POU2AF1: variants seen among roughly 807,000 people sequenced by gnomAD.
POU2AF1 encodes the protein POU class 2 homeobox associating factor 1, also known as POU domain class 2-associating factor 1.
Under a neutral mutation model 26.3 loss-of-function variants are expected in POU2AF1, and 12 were observed. The observed-to-expected ratio is 0.46, with a 90% CI of 0.29 to 0.74. The LOEUF is 0.74. POU2AF1 is among the 30% of genes least tolerant of loss of function. POU2AF1 has a pLI of 0.09. For missense variants in POU2AF1, 297 were observed against 334.5 expected, an observed-to-expected ratio of 0.89 and a Z score of 0.87; for synonymous variants, 175 against 148.0, an observed-to-expected ratio of 1.18 and a Z score of -1.32.
chr11:111,374,116 ATT>A (rs60260380), intron 1 of POU2AF1, among the ~76,000 whole-genome samples: 20 of 109,642 alleles, frequency 1.8e-4, no homozygotes, highest in African/African-American at 4.9e-4. Flanking sequence ...GGCAAACTTG[ATT>A]TTTTTTTTTT....
intron 1 of POU2AF1, chr11:111,359,308 T>C (rs138128928): frequency 2.6e-4 from 64 of 246,816 alleles, no homozygotes; most frequent in African/African-American, 1.4e-3. Flanking sequence ...GTGGTCAGAA[T>C]TCCCTCTCAC....
intron 2 of POU2AF1, 125 bp from the exon 3 acceptor site, chr11:111,357,962 A>G: frequency 9.4e-7 from 1 of 1,059,284 alleles, no homozygotes; most frequent in Non-Finnish European, 1.3e-6. Flanking sequence ...GGTTAGAACA[A>G]AACATCCCAC....
chr11:111,376,238 C>T (rs918348046), intron 1 of POU2AF1, among the ~76,000 whole-genome samples: 1 of 152,164 alleles, frequency 6.6e-6, no homozygotes, highest in African/African-American at 2.4e-5. Context: ...TCCCCACTTC[C>T]CAGATAAGGA....
intron 2 of POU2AF1, 53 bp from the exon 3 acceptor site, chr11:111,357,890 C>T: frequency 6.5e-7 from 1 of 1,527,472 alleles, no homozygotes; most frequent in Non-Finnish European, 8.8e-7. Flanking sequence ...GTCAACCGGC[C>T]CTGTGCAGAG....
intron 4 of POU2AF1, among the ~76,000 whole-genome samples, chr11:111,355,538 T>G (rs551912437): frequency 6.6e-6 from 1 of 152,330 alleles, no homozygotes; most frequent in East Asian, 1.9e-4. Context: ...ACTGTCACTG[T>G]GTCTTGACAG....
Position 111,356,445 on chromosome 11 carries a change from T to C in POU2AF1, c.456+1000A>G, listed in dbSNP as rs4387383. Among the ~76,000 whole-genome samples, 79,428 of 151,928 alleles carry C rather than the reference T, an allele frequency of 0.52. 22,284 individuals carry two copies. Among genetic ancestry groups the C allele is most frequent in the Non-Finnish European group, 0.63 (42,960 of 67,962 alleles). ...GATGACACTGGACCCTGGAGGGAAA[T>C]GGAAGAGACAAGGTGGACCAAAGCA... On this transcript the variant is annotated intron_variant, in intron 4 of 4. Transcript: ENST00000393067.
chr11:111,367,950 G>T (rs117687266), intron 1 of POU2AF1, among the ~76,000 whole-genome samples: 1 of 152,156 alleles, frequency 6.6e-6, no homozygotes. Flanking sequence ...GAAAGGGTTC[G>T]CAGATACACT....
intron 1 of POU2AF1, chr11:111,360,094 C>A: frequency 1.9e-6 from 1 of 515,098 alleles, no homozygotes; most frequent in South Asian, 1.4e-5. Context: ...GTGCATAGGG[C>A]CCTTCCTGGC....
chr11:111,365,857 CAAA>C (rs35060957), intron 1 of POU2AF1, among the ~76,000 whole-genome samples: 13,885 of 137,024 alleles, frequency 0.1, 841 homozygotes, highest in African/African-American at 0.18. Flanking sequence ...AACTCCATCT[CAAA>C]AAAAAAAAAA....
Position 111,363,892 on chromosome 11 carries a change from C to T in POU2AF1, c.17-4974G>A, listed in dbSNP as rs192949199. 31 of 985,304 alleles carry T rather than the reference C, an allele frequency of 3.1e-5. No individual in the cohort carries two copies. The East Asian group carries it at 1.7e-3, about 54-fold the overall frequency. 61.0% of individuals were successfully genotyped at this position (985,304 alleles called of 1,614,324 possible). A position where few individuals can be genotyped will look rare whatever the true frequency, so the allele number is the denominator to read the frequency against. On this transcript the variant is annotated intron_variant, in intron 1 of 4. Transcript: ENST00000393067. ...CCCGTAGGTATCCAAGAGTCCATCA[C>T]GGAGGAAAATCTTTCCACCTTAGCA...
At chr11:111,372,412 T>C (rs754971379) in intron 1 of POU2AF1, among the ~76,000 whole-genome samples, 2 of 17,332 alleles carry the variant, frequency 1.2e-4, no homozygotes, top group African/African-American at 2.8e-4. Context: ...TCTGCAGGGC[T>C]TTTTTTTGCC....
chr11:111,363,240 G>T, intron 1 of POU2AF1: 2 of 1,019,952 alleles, frequency 2.0e-6, no homozygotes, highest in Non-Finnish European at 2.4e-6. Context: ...TGCCCGGCAC[G>T]TGTCCACAGC....
Position 111,353,073 on chromosome 11 carries a change from T to C in POU2AF1, c.*1188A>G. The stretch of plus-strand genomic sequence containing the variant: ...AGGAAGGAAAGAAACAAAACCCACA[T>C]GGTAGCACTAAGCCTAGGCGAGGAC... On this transcript the variant is annotated 3_prime_UTR_variant, in exon 5 of 5. Transcript: ENST00000393067. The C allele has an allele frequency of 4.7e-6, 1 of 211,418 alleles. No homozygotes were observed. The highest frequency in any genetic ancestry group is 9.5e-6 in the Non-Finnish European group (1 of 105,762). The allele number at this position is 211,418 out of a possible 1,614,324, so 13.1% of individuals were successfully genotyped here.
intron 2 of POU2AF1, among the ~76,000 whole-genome samples, chr11:111,358,264 C>A (rs1043743538): frequency 2.6e-5 from 4 of 151,152 alleles, no homozygotes; most frequent in African/African-American, 9.8e-5. Context: ...ACCTCCCAAG[C>A]CATCTGCCTG....
chr11:111,373,596 C>A (rs1394008129), intron 1 of POU2AF1, among the ~76,000 whole-genome samples: 1 of 152,184 alleles, frequency 6.6e-6, no homozygotes, highest in East Asian at 1.9e-4. Context: ...GGCAAAGAAC[C>A]TCAATCAAGT....
Position 111,352,450 on chromosome 11 carries a change from G to GTT in POU2AF1, c.*1810_*1811insAA, listed in dbSNP as rs1279736977. 5.4e-6 allele frequency: 1 copy of GTT among 185,852 alleles called. No individual in the cohort carries two copies. The highest frequency in any genetic ancestry group is 1.1e-5 in the Non-Finnish European group (1 of 87,888). The allele number at this position is 185,852 out of a possible 1,614,324, so 11.5% of individuals were successfully genotyped here. A position where few individuals can be genotyped will look rare whatever the true frequency, so the allele number is the denominator to read the frequency against. On this transcript the variant is annotated 3_prime_UTR_variant, in exon 5 of 5. Coordinates refer to ENST00000393067, the MANE Select transcript of POU2AF1 (RefSeq NM_006235.3). ...CCAAGGTACACGTTCACTATCAAGA[G>GTT]CTAAGCACACCTGCTAACAACTCAG...
In POU2AF1 at chr11:111,354,154, G is replaced by A; in HGVS notation, c.*107C>T. 1 of 1,227,686 alleles carries A rather than the reference G, an allele frequency of 8.1e-7. No homozygotes were observed. Among genetic ancestry groups the A allele is most frequent in the Non-Finnish European group, 1.1e-6 (1 of 871,418 alleles). The allele number at this position is 1,227,686 out of a possible 1,614,324, so 76.0% of individuals were successfully genotyped here. ...CTACAATTCTAGCTGTGCGTAGAAA[G>A]TGTAGTCATGAAATGACTACTCCAA... is the stretch of plus-strand genomic sequence containing the variant. On this transcript the variant is annotated 3_prime_UTR_variant, in exon 5 of 5. Transcript: ENST00000393067.
intron 1 of POU2AF1, among the ~76,000 whole-genome samples, chr11:111,375,445 G>A (rs1454145346): frequency 2.5e-5 from 3 of 121,012 alleles, no homozygotes; most frequent in Non-Finnish European, 4.8e-5. Flanking sequence ...ACCCCAGGCT[G>A]GAGTGCAGTG....
Position 111,357,617 on chromosome 11 carries a change from G to T in POU2AF1, c.284C>A (p.Thr95Asn), listed in dbSNP as rs752535146. The T allele has an allele frequency of 1.7e-5, 28 of 1,614,056 alleles. No homozygotes were observed. The highest frequency in any genetic ancestry group is 2.4e-5 in the Non-Finnish European group (28 of 1,179,980). ...TGTCCATGGGGCCAGGGGCTGCAGG[G>T]TGGCCGGGGTGGGCTGGGAGAGCCA... Reference protein sequence around the residue: ...AGWLSQPTPATLQPLAPWTPY... With the variant: ...AGWLSQPTPANLQPLAPWTPY... The change falls in exon 4 of 5, where the codon ACC (threonine) becomes AAC (asparagine). Residue 95 changes from threonine to asparagine, a missense_variant. Transcript: ENST00000393067.
Sources: gnomAD v4.1 joint callset for allele counts (sites outside exome capture counted in the v4.1 genomes callset) on GRCh38, gnomAD v4.1.1 for gene constraint, MANE v1.5 for transcripts, NCBI Gene and HGNC (gene_info 2026-07-23, HGNC 2026-07-21) for gene names.